The following SUN1 variants were observed in gnomAD, a reference collection of about 807,000 sequenced individuals.
SUN1 encodes Sad1 and UNC84 domain containing 1.
SUN1 carries 61 observed loss-of-function variants against 103.2 expected under a neutral mutation model. The observed-to-expected ratio is 0.59, with a 90% confidence interval of 0.48 to 0.73. SUN1 has a LOEUF of 0.73. Among genes scored for constraint, SUN1 ranks in the 30% least tolerant of loss-of-function variants. The pLI is 0.00. For synonymous variants in SUN1, 490 were observed against 425.7 expected (o/e 1.15, Z -1.86); for missense variants, 1,052 against 1,034.6 (o/e 1.02, Z -0.23).
At chr7:821,725 A>T (rs1786231578) in intron 1 of SUN1, among the ~76,000 whole-genome samples, 5 of 152,152 alleles carry the variant, frequency 3.3e-5, no homozygotes. Context: ...GTGAGGTGAG[A>T]GTCCTGGAAT....
upstream of SUN1, chr7:832,426 G>C (rs1798806807): frequency 3.3e-6 from 4 of 1,207,928 alleles, no homozygotes; most frequent in Admixed American, 7.9e-5. Context: ...CGTGTAGGCA[G>C]CTCAGGTTGA....
chr7:860,474 GTT>G, intron 14 of SUN1, 92 bp downstream of exon 14: 1 of 1,550,858 alleles, frequency 6.4e-7, no homozygotes, highest in East Asian at 2.3e-5. Flanking sequence ...TTGATGTCTT[GTT>G]TTAAGAGTGG....
chr7:851,551 T>G lies in SUN1; in HGVS notation c.757+69T>G, dbSNP rs1373914302. ...TGGCAGCTAAGCACCTGCACTCGAT[T>G]TACCTAACCAAGTAAAAATCTCATT... is the stretch of plus-strand genomic sequence containing the variant. On this transcript the variant is annotated intron_variant, in intron 6 of 18. Coordinates refer to ENST00000401592, the MANE Select transcript of SUN1 (RefSeq NM_001130965.3). 14 of 694,552 alleles carry G rather than the reference T, an allele frequency of 2.0e-5. No individual in the cohort carries two copies. The East Asian group carries it at 5.4e-4, about 27-fold the overall frequency. 43.0% of individuals were successfully genotyped at this position (694,552 alleles called of 1,614,324 possible). A position where few individuals can be genotyped will look rare whatever the true frequency, so the allele number is the denominator to read the frequency against.
intron 17 of SUN1, among the ~76,000 whole-genome samples, chr7:870,672 A>G (rs1238382073): frequency 2.7e-5 from 4 of 147,902 alleles, no homozygotes; most frequent in Admixed American, 6.9e-5. Flanking sequence ...CTCAAGTAGC[A>G]TCAATCCCCC....
intron 1 of SUN1, among the ~76,000 whole-genome samples, chr7:819,192 CTTTT>C (rs57527104): frequency 7.2e-6 from 1 of 138,774 alleles, no homozygotes; most frequent in Non-Finnish European, 1.5e-5. Context: ...TGGGTTGCCT[CTTTT>C]TTTTTTTTTT....
chr7:841,954 A>G lies in SUN1; in HGVS notation c.275A>G (p.Lys92Arg). Residue 92 changes from lysine to arginine, a missense_variant, in exon 3 of 19, where the codon AAA becomes AGA. Lys to Arg is a conservative substitution (Grantham distance 26, BLOSUM62 2). Coordinates refer to ENST00000401592, the MANE Select transcript of SUN1 (RefSeq NM_001130965.3). ...SLKNRAARTT[K>R]QRRSTNKSAF... The stretch of plus-strand genomic sequence containing the variant: ...TTTTTTTTTCTTCTTAGAACAACAA[A>G]ACAGCGCAGAAGCACAAACAAATCA... 6.2e-7 allele frequency: 1 copy of G among 1,614,174 alleles called. No homozygotes were observed.
upstream of SUN1, among the ~76,000 whole-genome samples, chr7:831,323 G>T (rs867852758): frequency 1.3e-5 from 2 of 149,930 alleles, no homozygotes; most frequent in African/African-American, 2.5e-5. Context: ...CCAGGCTGGC[G>T]TACAGTGGTA....
In SUN1 at chr7:852,969, G is replaced by C; in HGVS notation, c.1053+17G>C. 1 of 1,605,420 alleles carries C rather than the reference G, an allele frequency of 6.2e-7. No homozygotes were observed. The highest frequency in any genetic ancestry group is 8.5e-7 in the Non-Finnish European group (1 of 1,176,480). ...CCTCTGCAGGTAAGAGGGTAGAAAG[G>C]CCTCTCAGCTGGCACTGCACATGTG... On this transcript the variant is annotated intron_variant, in intron 9 of 18. Coordinates refer to ENST00000401592, the MANE Select transcript of SUN1 (RefSeq NM_001130965.3).
chr7:851,627 G>A (rs576430083), intron 6 of SUN1, 145 bp downstream of exon 6: 22 of 766,938 alleles, frequency 2.9e-5, no homozygotes, highest in South Asian at 1.2e-4. Flanking sequence ...TCTTTATGAC[G>A]TAGCAATGTT....
At chr7:825,215 C>T (rs535968516) in intron 1 of SUN1, among the ~76,000 whole-genome samples, 3 of 152,242 alleles carry the variant, frequency 2.0e-5, no homozygotes, top group South Asian at 4.1e-4. Context: ...CCCGCCACTG[C>T]GCCCGGCTAA....
chr7:827,665 T>C (rs1793786270), upstream of SUN1, among the ~76,000 whole-genome samples: 1 of 151,738 alleles, frequency 6.6e-6, no homozygotes, highest in Non-Finnish European at 1.5e-5. Flanking sequence ...GAGATGGGGT[T>C]TCACCATTCA....
chr7:868,109 C>CG (rs1417047086), intron 16 of SUN1, among the ~76,000 whole-genome samples: 3 of 152,214 alleles, frequency 2.0e-5, no homozygotes, highest in Admixed American at 1.3e-4. Context: ...GAGGAGAAGC[C>CG]GGCGGGTACG....
At chr7:849,853 A>G (rs1390652045) in intron 5 of SUN1, 8 of 1,486,418 alleles carry the variant, frequency 5.4e-6, no homozygotes, top group Admixed American at 3.7e-5. Context: ...TGCCATTGCT[A>G]TGCACGGCTG....
intron 16 of SUN1, chr7:869,140 C>G (rs1408617036): frequency 1.8e-6 from 1 of 551,134 alleles, no homozygotes; most frequent in Non-Finnish European, 3.2e-6. Flanking sequence ...GTCGTTTTAA[C>G]TTTTATACAA....
chr7:866,486 AC>A (rs917208269), intron 16 of SUN1, among the ~76,000 whole-genome samples: 3 of 139,618 alleles, frequency 2.1e-5, no homozygotes, highest in African/African-American at 8.1e-5. Flanking sequence ...ATGGGCCTTC[AC>A]CCCCCCATCC....
upstream of SUN1, chr7:830,908 G>T: frequency 1.0e-6 from 1 of 979,838 alleles, no homozygotes; most frequent in Non-Finnish European, 1.2e-6. Context: ...GCTGGGCGGG[G>T]CTGGGTTCTG....
chr7:864,318 C>G (rs10274541), intron 15 of SUN1, among the ~76,000 whole-genome samples: 111 of 151,922 alleles, frequency 7.3e-4, no homozygotes, highest in Non-Finnish European at 1.0e-3. Context: ...GAGGCTGAGG[C>G]GGGCAGATCA....
upstream of SUN1, among the ~76,000 whole-genome samples, chr7:828,775 C>T (rs1200014756): frequency 6.6e-6 from 1 of 152,172 alleles, no homozygotes; most frequent in Non-Finnish European, 1.5e-5. Flanking sequence ...TCTCTAGTGT[C>T]GATGGCTCTC....
At chr7:835,833 A>G (rs756699409) in intron 1 of SUN1, among the ~76,000 whole-genome samples, 4 of 152,248 alleles carry the variant, frequency 2.6e-5, no homozygotes, top group African/African-American at 4.8e-5. Context: ...CTCGGAACCA[A>G]CGTGCTGCTG....
Sources: gnomAD v4.1 joint callset for allele counts (sites outside exome capture counted in the v4.1 genomes callset) on GRCh38, gnomAD v4.1.1 for gene constraint, MANE v1.5 for transcripts, NCBI Gene and HGNC (gene_info 2026-07-23, HGNC 2026-07-21) for gene names.